OPHN1: variants seen among roughly 807,000 people sequenced by gnomAD.
OPHN1 encodes oligophrenin-1.
OPHN1 carries 11 observed loss-of-function variants against 60.7 expected under a neutral mutation model. The observed-to-expected ratio is 0.18, with a 90% CI of 0.11 to 0.30. OPHN1 has a LOEUF of 0.30. Ranked by LOEUF, OPHN1 falls within the 10% of genes least tolerant of loss-of-function variation. The pLI is 1.00. For missense variants in OPHN1, 449 were observed against 611.0 expected (o/e 0.73, Z 2.80); for synonymous variants, 226 against 222.6 (o/e 1.02, Z -0.14).
intron 15 of OPHN1, among the ~76,000 whole-genome samples, chrX:68,167,901 G>A (rs1232914651): frequency 9.0e-6 from 1 of 111,036 alleles, no homozygotes; most frequent in African/African-American, 3.3e-5. Context: ...GTATGATTCA[G>A]AATGAGATTC....
At chrX:68,294,429 C>T (rs1248174241) in intron 3 of OPHN1, among the ~76,000 whole-genome samples, 20 of 97,540 alleles carry the variant, frequency 2.1e-4, no homozygotes, top group Non-Finnish European at 3.8e-4. Context: ...GTCGAGATCA[C>T]GCCACTGCAC....
intron 2 of OPHN1, among the ~76,000 whole-genome samples, chrX:68,368,946 C>T (rs753315533): frequency 7.1e-5 from 8 of 111,889 alleles, no homozygotes; most frequent in South Asian, 3.7e-4. Context: ...CAGTGGCTCA[C>T]GCCTGTAATC....
chrX:68,202,793 C>T (rs1454299382), intron 10 of OPHN1, among the ~76,000 whole-genome samples: 3 of 111,181 alleles, frequency 2.7e-5, no homozygotes, highest in African/African-American at 9.8e-5. Flanking sequence ...CTGTGTCCAG[C>T]CTATGCTAGG....
chrX:68,257,982 A>G (rs893863571), intron 5 of OPHN1, among the ~76,000 whole-genome samples: 1 of 110,048 alleles, frequency 9.1e-6, no homozygotes, highest in African/African-American at 3.3e-5. Flanking sequence ...AATTACAAAA[A>G]TGCTCTCAAA....
intron 2 of OPHN1, among the ~76,000 whole-genome samples, chrX:68,401,033 G>A (rs928659281): frequency 9.0e-6 from 1 of 111,499 alleles, no homozygotes; most frequent in Non-Finnish European, 1.9e-5. Context: ...CTATCATGAC[G>A]ACAGCACCAA....
intron 2 of OPHN1, among the ~76,000 whole-genome samples, chrX:68,387,904 C>G (rs180879647): frequency 9.0e-6 from 1 of 110,793 alleles, no homozygotes; most frequent in Non-Finnish European, 1.9e-5. Context: ...GAGAGCTTTA[C>G]AGAAGAGATT....
At chrX:68,138,292 GGTGT>G (rs1390202007) in intron 15 of OPHN1, among the ~76,000 whole-genome samples, 1 of 112,261 alleles carries the variant, frequency 8.9e-6, no homozygotes, top group Non-Finnish European at 1.9e-5. Flanking sequence ...AAATGCATGT[GGTGT>G]GTATCTATGG....
chrX:68,403,952 A>G (rs1284977997), intron 2 of OPHN1, among the ~76,000 whole-genome samples: 1 of 108,735 alleles, frequency 9.2e-6, no homozygotes, highest in Non-Finnish European at 1.9e-5. Flanking sequence ...GTAAGATAAG[A>G]GGAAATGAGA....
chrX:68,070,886 T>C, intron 20 of OPHN1: 1 of 1,171,249 alleles, frequency 8.5e-7, no homozygotes, highest in Non-Finnish European at 1.2e-6. Flanking sequence ...TGGCCAGTCT[T>C]GGCATTCTCA....
chrX:68,383,363 G>A (rs763079256), intron 2 of OPHN1, among the ~76,000 whole-genome samples: 18 of 109,415 alleles, frequency 1.6e-4, no homozygotes, highest in South Asian at 8.2e-4. Context: ...AGGCCAAGGT[G>A]GGCAGATCAC....
intron 18 of OPHN1, among the ~76,000 whole-genome samples, chrX:68,110,634 A>C (rs2077100105): frequency 8.9e-6 from 1 of 112,179 alleles, no homozygotes; most frequent in African/African-American, 3.2e-5. Context: ...CTTTAAATTA[A>C]CATGCAAATA....
chrX:68,238,197 C>A (rs905263117), intron 5 of OPHN1, among the ~76,000 whole-genome samples: 4 of 111,579 alleles, frequency 3.6e-5, no homozygotes, highest in African/African-American at 1.3e-4. Flanking sequence ...TATAGAGATT[C>A]ATTATTCCTA....
In OPHN1 at chrX:68,358,425, C is replaced by T. The variant is rs1445689134; in HGVS notation, c.155-59329G>A. Among the ~76,000 whole-genome samples, 6 of 111,665 alleles carry T rather than the reference C, an allele frequency of 5.4e-5. No homozygotes were observed. The South Asian group carries it at 1.5e-3, about 28-fold the overall frequency. ...TGTCTACCTTGGGAGGTCATGTGCTCGTTTTCCTAGATATCTTTTCAAACA... is the reference window on the plus strand; with the variant it reads ...TGTCTACCTTGGGAGGTCATGTGCTTGTTTTCCTAGATATCTTTTCAAACA... On this transcript the variant is annotated intron_variant, in intron 2 of 24. Coordinates refer to ENST00000355520, the MANE Select transcript of OPHN1 (RefSeq NM_002547.3).
At chrX:68,123,443 C>T (rs753293799) in intron 15 of OPHN1, among the ~76,000 whole-genome samples, 3 of 111,613 alleles carry the variant, frequency 2.7e-5, no homozygotes, top group South Asian at 3.7e-4. Context: ...TATTATAACA[C>T]CGTAACTGTA....
intron 18 of OPHN1, among the ~76,000 whole-genome samples, chrX:68,099,512 G>A (rs901588515): frequency 4.5e-5 from 5 of 111,694 alleles, no homozygotes; most frequent in South Asian, 3.8e-4. Flanking sequence ...CCATTTTCCC[G>A]CCACTCACTT....
intron 15 of OPHN1, among the ~76,000 whole-genome samples, chrX:68,155,670 T>C (rs1426079864): frequency 8.9e-6 from 1 of 112,062 alleles, no homozygotes; most frequent in Non-Finnish European, 1.9e-5. Flanking sequence ...TTAACAAACA[T>C]TCCAGATGAT....
chrX:68,091,693 A>G (rs192637757), intron 19 of OPHN1, among the ~76,000 whole-genome samples: 228 of 111,306 alleles, frequency 2.0e-3, no homozygotes, highest in African/African-American at 7.3e-3. Context: ...AATTGCTAAG[A>G]ACCGCCTTCA....
intron 2 of OPHN1, among the ~76,000 whole-genome samples, chrX:68,306,961 T>C (rs1039533365): frequency 9.0e-6 from 1 of 111,328 alleles, no homozygotes; most frequent in Non-Finnish European, 1.9e-5. Context: ...TGGCTTCAAG[T>C]GATCCTCCCA....
intron 4 of OPHN1, among the ~76,000 whole-genome samples, chrX:68,278,842 C>T (rs952839002): frequency 2.7e-5 from 3 of 111,280 alleles, no homozygotes; most frequent in Admixed American, 9.5e-5. Flanking sequence ...GCCGAAATCA[C>T]GCCACTGCAC....
Sources: gnomAD v4.1 joint callset for allele counts (sites outside exome capture counted in the v4.1 genomes callset) on GRCh38, gnomAD v4.1.1 for gene constraint, MANE v1.5 for transcripts, NCBI Gene and HGNC (gene_info 2026-07-23, HGNC 2026-07-21) for gene names.